PDE7B: variants seen among roughly 807,000 people sequenced by gnomAD.
PDE7B encodes 3',5'-cyclic-AMP phosphodiesterase 7B.
Under a neutral mutation model 56.2 loss-of-function variants are expected in PDE7B, and 29 were observed. The ratio of observed to expected loss-of-function variants is 0.52; its 90% confidence interval spans 0.38 to 0.70. The LOEUF (loss-of-function observed/expected upper bound fraction) is 0.70, where lower values mean the gene tolerates loss of function less well. Ranked by LOEUF, PDE7B falls within the 30% of genes least tolerant of loss-of-function variation. The probability of loss-of-function intolerance (pLI) is 0.00; values close to 1 mark genes in which losing one functional copy is unlikely to be tolerated. For missense variants in PDE7B, 490 were observed against 565.0 expected (o/e 0.87, Z 1.35); for synonymous variants, 197 against 196.9 (o/e 1.00, Z 0.00).
rs757618791 is a variant in PDE7B at position 136,061,040 on chromosome 6, G to C, written c.83-47691G>C. On this transcript the variant is annotated intron_variant, in intron 2 of 12. Coordinates refer to ENST00000308191, the MANE Select transcript of PDE7B (RefSeq NM_018945.4). ...TGAATGCATGAAGGTAAATGAATAA[G>C]GCAAATACTATGAAGTTGGCTGGCA... 5.4e-4 allele frequency among the ~76,000 whole-genome samples: 82 copies of C among 152,040 alleles called. 1 individual carries two copies. The highest frequency in any genetic ancestry group is 1.1e-3 in the Non-Finnish European group (76 of 67,960).
chr6:136,131,332 G>A (rs1466432266), intron 3 of PDE7B, among the ~76,000 whole-genome samples: 2 of 151,890 alleles, frequency 1.3e-5, no homozygotes, highest in East Asian at 3.9e-4. Flanking sequence ...AGAAAACAAT[G>A]CCCATGGGCC....
At chr6:135,861,591 C>A (rs1360081119) in intron 1 of PDE7B, among the ~76,000 whole-genome samples, 1 of 150,762 alleles carries the variant, frequency 6.6e-6, no homozygotes, top group East Asian at 1.9e-4. Context: ...TTGGTAAAAT[C>A]TCATGTTTTA....
At chr6:135,863,290 T>C (rs1043614825) in intron 1 of PDE7B, among the ~76,000 whole-genome samples, 2 of 152,054 alleles carry the variant, frequency 1.3e-5, no homozygotes, top group East Asian at 3.8e-4. Context: ...TTTGCCATCA[T>C]TTGCTTATAT....
rs369089276 is a variant in PDE7B at position 135,910,069 on chromosome 6, A to G, written c.22-37395A>G. 4.6e-5 allele frequency among the ~76,000 whole-genome samples: 7 copies of G among 152,360 alleles called. No homozygotes were observed. The East Asian group carries it at 1.2e-3, about 25-fold the overall frequency. ...AGTGTCTGTGGGAATAGGTGAGGAT[A>G]TCCAATAAGGACACTTGAAATATGA... On this transcript the variant is annotated intron_variant, in intron 1 of 12. Coordinates refer to ENST00000308191, the MANE Select transcript of PDE7B (RefSeq NM_018945.4).
intron 1 of PDE7B, among the ~76,000 whole-genome samples, chr6:135,902,307 C>G (rs1266286745): frequency 6.7e-6 from 1 of 150,256 alleles, no homozygotes; most frequent in Admixed American, 6.7e-5. Context: ...GATCTCTAGG[C>G]AAGTTTTGGC....
chr6:136,155,909 G>C (rs755359419), intron 8 of PDE7B, 151 bp downstream of exon 8: 1 of 886,502 alleles, frequency 1.1e-6, no homozygotes, highest in Non-Finnish European at 1.8e-6. Flanking sequence ...TCAAAAATTT[G>C]TTCAAACTCA....
intron 2 of PDE7B, among the ~76,000 whole-genome samples, chr6:136,045,840 A>G (rs1195701160): frequency 1.3e-5 from 2 of 151,534 alleles, no homozygotes; most frequent in African/African-American, 4.8e-5. Flanking sequence ...AATCTTCCGT[A>G]AAGGTATCGA....
At chr6:136,056,319 C>T (rs1489589482) in intron 2 of PDE7B, among the ~76,000 whole-genome samples, 2 of 152,164 alleles carry the variant, frequency 1.3e-5, no homozygotes, top group Admixed American at 6.5e-5. Flanking sequence ...CACAGGTGAA[C>T]TGTTTATTTA....
intron 2 of PDE7B, among the ~76,000 whole-genome samples, chr6:136,083,447 G>A (rs960043917): frequency 1.3e-5 from 2 of 152,162 alleles, no homozygotes; most frequent in African/African-American, 2.4e-5. Flanking sequence ...TTTAGAGGGT[G>A]AATTGGGGCA....
chr6:136,048,866 A>G (rs962636523), intron 2 of PDE7B, among the ~76,000 whole-genome samples: 4 of 152,202 alleles, frequency 2.6e-5, no homozygotes, highest in Non-Finnish European at 4.4e-5. Flanking sequence ...CCCAAGTGCT[A>G]TAGTATTTTA....
chr6:136,022,063 C>T (rs1776082864), intron 2 of PDE7B, among the ~76,000 whole-genome samples: 1 of 152,180 alleles, frequency 6.6e-6, no homozygotes, highest in Admixed American at 6.5e-5. Flanking sequence ...TTTGGGTCTT[C>T]CCAAGGGTTG....
chr6:135,960,227 A>C (rs535411190), intron 2 of PDE7B, among the ~76,000 whole-genome samples: 2 of 152,230 alleles, frequency 1.3e-5, no homozygotes, highest in Admixed American at 1.3e-4. Context: ...ATTTGTGTAA[A>C]TTTCTAGGAC....
intron 1 of PDE7B, among the ~76,000 whole-genome samples, chr6:135,884,128 G>C (rs1775660642): frequency 1.3e-5 from 2 of 152,296 alleles, no homozygotes; most frequent in South Asian, 4.1e-4. Flanking sequence ...TGCAGAGTTT[G>C]CTTGCCAGTA....
chr6:136,038,502 A>G, intron 2 of PDE7B: 1 of 1,287,254 alleles, frequency 7.8e-7, no homozygotes, highest in Non-Finnish European at 1.0e-6. Context: ...ATTCTGGACA[A>G]TGAAGATGCT....
At chr6:136,057,652 G>A (rs969513083) in intron 2 of PDE7B, among the ~76,000 whole-genome samples, 7 of 152,134 alleles carry the variant, frequency 4.6e-5, no homozygotes, top group African/African-American at 1.7e-4. Context: ...TGGTATGAAT[G>A]GCCACTTAAG....
chr6:136,038,327 C>T (rs1290176244), intron 2 of PDE7B: 21 of 1,292,840 alleles, frequency 1.6e-5, no homozygotes, highest in Non-Finnish European at 2.1e-5. Context: ...CCCAGCAGAG[C>T]TAGGCAGGAG....
intron 2 of PDE7B, among the ~76,000 whole-genome samples, chr6:135,987,354 A>G (rs1335852260): frequency 6.6e-6 from 1 of 152,142 alleles, no homozygotes; most frequent in Non-Finnish European, 1.5e-5. Context: ...CTCTGTATTG[A>G]GTAGGAGTGG....
At chr6:136,184,640 T>C (rs548721556) in intron 11 of PDE7B, among the ~76,000 whole-genome samples, 11 of 152,190 alleles carry the variant, frequency 7.2e-5, no homozygotes, top group African/African-American at 2.4e-4. Flanking sequence ...CTCAGTCTCA[T>C]AGAAGATAAG....
At chr6:136,019,082 G>T (rs914253767) in intron 2 of PDE7B, among the ~76,000 whole-genome samples, 1 of 151,974 alleles carries the variant, frequency 6.6e-6, no homozygotes, top group Non-Finnish European at 1.5e-5. Flanking sequence ...AAATTACTAA[G>T]TGGCTTATTT....
Sources: gnomAD v4.1 joint callset for allele counts (sites outside exome capture counted in the v4.1 genomes callset) on GRCh38, gnomAD v4.1.1 for gene constraint, MANE v1.5 for transcripts, NCBI Gene and HGNC (gene_info 2026-07-23, HGNC 2026-07-21) for gene names.